The following MAP3K1 variants were observed in gnomAD, a reference collection of about 807,000 sequenced individuals.
MAP3K1 encodes MAP/ERK kinase kinase 1.
MAP3K1 carries 36 observed loss-of-function variants against 144.2 expected under a neutral mutation model. The observed-to-expected ratio is 0.25, with a 90% CI of 0.19 to 0.33. The LOEUF (loss-of-function observed/expected upper bound fraction) is 0.33, where lower values mean the gene tolerates loss of function less well. Ranked by LOEUF, MAP3K1 falls within the 10% of genes least tolerant of loss-of-function variation. MAP3K1 has a pLI of 1.00. For synonymous variants in MAP3K1, 718 were observed against 688.7 expected (o/e 1.04, Z -0.67); for missense variants, 1,650 against 1,881.9 (o/e 0.88, Z 2.28).
intron 19 of MAP3K1, among the ~76,000 whole-genome samples, chr5:56,892,076 A>G (rs1015217955): frequency 3.9e-5 from 6 of 152,170 alleles, no homozygotes. Context: ...GAAGAAAGTC[A>G]TTGGTAGCTT....
intron 17 of MAP3K1, among the ~76,000 whole-genome samples, chr5:56,886,279 C>CTG (rs1162301278): frequency 1.3e-5 from 2 of 152,074 alleles, no homozygotes; most frequent in Non-Finnish European, 2.9e-5. Flanking sequence ...TGGCGCATGC[C>CTG]TGTAATCCTG....
intron 1 of MAP3K1, among the ~76,000 whole-genome samples, chr5:56,845,548 A>C (rs765110437): frequency 2.6e-5 from 4 of 152,210 alleles, no homozygotes; most frequent in Non-Finnish European, 5.9e-5. Context: ...AGGTTTATGC[A>C]TCAGTTGTCT....
At chr5:56,856,790 T>C in intron 2 of MAP3K1, 40 bp downstream of exon 2, 2 of 1,606,296 alleles carry the variant, frequency 1.2e-6, no homozygotes, top group Non-Finnish European at 1.7e-6. Context: ...GAAGAAAGCA[T>C]AGGAGGAAAT....
At chr5:56,846,491 T>G (rs191712768) in intron 1 of MAP3K1, among the ~76,000 whole-genome samples, 1 of 152,368 alleles carries the variant, frequency 6.6e-6, no homozygotes, top group African/African-American at 2.4e-5. Flanking sequence ...AGGATTTTCA[T>G]TCGCTAACTC....
intron 1 of MAP3K1, among the ~76,000 whole-genome samples, chr5:56,848,404 A>C (rs1393191715): frequency 3.9e-5 from 6 of 152,032 alleles, no homozygotes; most frequent in Non-Finnish European, 2.9e-5. Flanking sequence ...TACTTCTTAG[A>C]TCTTTGTTGA....
rs1745931824 is a variant in MAP3K1, at chr5:56,815,837, G to T, written c.264G>T (p.Ser88=). 2.8e-6 allele frequency: 4 copies of T among 1,409,354 alleles called. No individual in the cohort carries two copies. The highest frequency in any genetic ancestry group is 1.5e-5 in the South Asian group (1 of 68,842). 87.3% of individuals were successfully genotyped at this position (1,409,354 alleles called of 1,614,324 possible). Reference sequence around the variant, plus strand: ...TTGCCGCCTCACCGCCGGCCTCCTCGACTTCCCCGTCGCCGGAGCCCGCGG... The same window carrying T: ...TTGCCGCCTCACCGCCGGCCTCCTCTACTTCCCCGTCGCCGGAGCCCGCGG... The part of the protein sequence containing the change: ...LFLAASPPAS[S]TSPSPEPADA... Residue 88 remains serine, a synonymous_variant, in exon 1 of 20, where the codon TCG becomes TCT. Coordinates refer to ENST00000399503, the MANE Select transcript of MAP3K1 (RefSeq NM_005921.2).
intron 1 of MAP3K1, among the ~76,000 whole-genome samples, chr5:56,849,859 CTG>C (rs761654431): frequency 6.6e-6 from 1 of 152,224 alleles, no homozygotes; most frequent in Non-Finnish European, 1.5e-5. Context: ...AAGACACAGA[CTG>C]TGAAATCACT....
intron 1 of MAP3K1, among the ~76,000 whole-genome samples, chr5:56,854,590 T>C (rs1304136490): frequency 6.6e-6 from 1 of 152,114 alleles, no homozygotes; most frequent in African/African-American, 2.4e-5. Context: ...AAGAAATTGG[T>C]CTAAAAGATG....
chr5:56,883,561 A>G lies in MAP3K1; in HGVS notation c.3701A>G (p.Lys1234Arg). Reference sequence around the variant, plus strand: ...ACTCTACCAGGACATACCAAAGCAAAACAACCGTATAGAGAAGACACTGAA... The same window carrying G: ...ACTCTACCAGGACATACCAAAGCAAGACAACCGTATAGAGAAGACACTGAA... ...PETLPGHTKA[K>R]QPYREDTEWL... Residue 1234 changes from lysine to arginine, a missense_variant, in exon 15 of 20, where the codon AAA (lysine) becomes AGA (arginine). Lys to Arg is a conservative substitution (Grantham distance 26, BLOSUM62 2). This residue lies in a region of MAP3K1 where 841 missense variants were observed against 886.5 expected (regional missense o/e 0.95). Transcript: ENST00000399503. 1 of 1,614,120 alleles carries G rather than the reference A, an allele frequency of 6.2e-7. No homozygotes were observed. Among genetic ancestry groups the G allele is most frequent in the Non-Finnish European group, 8.5e-7 (1 of 1,179,994 alleles).
intron 1 of MAP3K1, among the ~76,000 whole-genome samples, chr5:56,832,972 A>G (rs1746541675): frequency 6.6e-6 from 1 of 152,206 alleles, no homozygotes; most frequent in Non-Finnish European, 1.5e-5. Flanking sequence ...CCTGGGTTCA[A>G]GTGATTCTCC....
At chr5:56,860,943 A>C (rs1291726559) in intron 3 of MAP3K1, among the ~76,000 whole-genome samples, 1 of 152,234 alleles carries the variant, frequency 6.6e-6, no homozygotes, top group Non-Finnish European at 1.5e-5. Context: ...GAATTTTAGA[A>C]AGCTACTATC....
intron 1 of MAP3K1, among the ~76,000 whole-genome samples, chr5:56,834,570 A>G (rs1374589091): frequency 6.6e-6 from 1 of 152,162 alleles, no homozygotes; most frequent in Non-Finnish European, 1.5e-5. Flanking sequence ...TTAGCTGGGC[A>G]TGGTGGCAGG....
At chr5:56,892,300 T>C (rs1748573024) in intron 19 of MAP3K1, among the ~76,000 whole-genome samples, 1 of 152,200 alleles carries the variant, frequency 6.6e-6, no homozygotes, top group Admixed American at 6.5e-5. Flanking sequence ...CAATTGTGAA[T>C]GGGAGTTCAC....
At chr5:56,819,475 C>T (rs1406264985) in intron 1 of MAP3K1, among the ~76,000 whole-genome samples, 2 of 151,942 alleles carry the variant, frequency 1.3e-5, no homozygotes, top group Admixed American at 6.6e-5. Context: ...TAGGCTGAGT[C>T]GGCTAATCAG....
intron 1 of MAP3K1, among the ~76,000 whole-genome samples, chr5:56,821,265 A>G (rs907329486): frequency 8.5e-5 from 13 of 152,170 alleles, no homozygotes; most frequent in African/African-American, 3.1e-4. Context: ...TGCAGATGTT[A>G]ATTTGATCGA....
intron 1 of MAP3K1, among the ~76,000 whole-genome samples, chr5:56,837,744 A>G (rs1457525450): frequency 6.6e-6 from 1 of 152,226 alleles, no homozygotes; most frequent in Non-Finnish European, 1.5e-5. Flanking sequence ...CTGCTGGGGC[A>G]GGAGACATAA....
At chr5:56,818,558 C>T (rs1746054739) in intron 1 of MAP3K1, among the ~76,000 whole-genome samples, 1 of 151,946 alleles carries the variant, frequency 6.6e-6, no homozygotes, top group African/African-American at 2.4e-5. Flanking sequence ...AAGTTTGTCC[C>T]TCTTTTTCAG....
chr5:56,831,785 A>G (rs116782567), intron 1 of MAP3K1, among the ~76,000 whole-genome samples: 10 of 152,328 alleles, frequency 6.6e-5, no homozygotes, highest in Non-Finnish European at 1.2e-4. Context: ...ATTTTTATAG[A>G]TAATACTTTG....
chr5:56,893,926 C>A lies in MAP3K1; in HGVS notation c.*246C>A. 3 of 534,654 alleles carry A rather than the reference C, an allele frequency of 5.6e-6. No individual in the cohort carries two copies. Among genetic ancestry groups the A allele is most frequent in the South Asian group, 4.5e-5 (2 of 44,536 alleles). The allele number at this position is 534,654 out of a possible 1,614,324, so 33.1% of individuals were successfully genotyped here. A position where few individuals can be genotyped will look rare whatever the true frequency, so the allele number is the denominator to read the frequency against. ...TTTCAAAGAACTGGCCCTAGGTGAA[C>A]AGGAAAACAATGAAGTTTGCATGAC... is the stretch of plus-strand genomic sequence containing the variant. On this transcript the variant is annotated 3_prime_UTR_variant, in exon 20 of 20. Transcript: ENST00000399503.
Sources: allele counts gnomAD v4.1 joint callset (sites outside exome capture counted in the v4.1 genomes callset), GRCh38; gene constraint gnomAD v4.1.1; regional missense constraint gnomAD v4.1.1; transcripts MANE v1.5; gene names NCBI Gene and HGNC (gene_info 2026-07-23, HGNC 2026-07-21).